TYW1: variants seen among roughly 807,000 people sequenced by gnomAD.
TYW1 encodes the protein tRNA-yW synthesizing protein 1 homolog, also known as S-adenosyl-L-methionine-dependent tRNA 4-demethylwyosine synthase TYW1.
A neutral mutation model predicts 96.2 loss-of-function variants in TYW1; 46 were observed. The ratio of observed to expected loss-of-function variants is 0.48; its 90% CI spans 0.38 to 0.61. The LOEUF is 0.61. TYW1 is among the 20% of genes least tolerant of loss of function. The probability of loss-of-function intolerance (pLI) is 0.00; values close to 1 mark genes in which losing one functional copy is unlikely to be tolerated. For synonymous variants in TYW1, 274 were observed against 323.0 expected (o/e 0.85, Z 1.63); for missense variants, 684 against 909.6 (o/e 0.75, Z 3.19).
At chr7:67,003,433 A>G (rs1235280139) in intron 3 of TYW1, among the ~76,000 whole-genome samples, 1 of 151,606 alleles carries the variant, frequency 6.6e-6, no homozygotes, top group Non-Finnish European at 1.5e-5. Context: ...TAAATACCAT[A>G]GAGAGGCTCT....
intron 13 of TYW1, among the ~76,000 whole-genome samples, chr7:67,166,161 C>A (rs1400007676): frequency 6.6e-6 from 1 of 150,832 alleles, no homozygotes; most frequent in Non-Finnish European, 1.5e-5. Context: ...GTAGGATAAT[C>A]TTTTGAGGAG....
chr7:67,222,330 C>T (rs1255506005), intron 15 of TYW1, among the ~76,000 whole-genome samples: 1 of 152,162 alleles, frequency 6.6e-6, no homozygotes, highest in Non-Finnish European at 1.5e-5. Flanking sequence ...CTGTCTAGTG[C>T]CCTTTCATTT....
intron 7 of TYW1, among the ~76,000 whole-genome samples, chr7:67,046,867 G>T (rs1795204330): frequency 6.6e-6 from 1 of 152,168 alleles, no homozygotes. Flanking sequence ...TTTTATAATA[G>T]ATACTTTCTC....
At chr7:67,235,950 C>T (rs568005949) in intron 15 of TYW1, among the ~76,000 whole-genome samples, 12 of 149,434 alleles carry the variant, frequency 8.0e-5, no homozygotes, top group Non-Finnish European at 1.5e-4. Context: ...CCTCGCATGT[C>T]CTGGGTGATG....
intron 9 of TYW1, among the ~76,000 whole-genome samples, chr7:67,058,349 G>T (rs1207114373): frequency 6.6e-6 from 1 of 152,054 alleles, no homozygotes; most frequent in Non-Finnish European, 1.5e-5. Flanking sequence ...TAAACATATT[G>T]TCCCCAGACT....
chr7:67,034,195 C>G (rs1480369291), intron 7 of TYW1, among the ~76,000 whole-genome samples: 1 of 150,196 alleles, frequency 6.7e-6, no homozygotes, highest in African/African-American at 2.5e-5. Context: ...CCTCCTCCTT[C>G]TGGGTTCAAG....
At chr7:67,021,423 CTT>C (rs1170131754) in intron 6 of TYW1, among the ~76,000 whole-genome samples, 3 of 152,266 alleles carry the variant, frequency 2.0e-5, no homozygotes, top group African/African-American at 4.8e-5. Flanking sequence ...GCCTAAGTGA[CTT>C]TGCCCATCCC....
chr7:67,094,582 AGT>A (rs1001727787), intron 11 of TYW1, among the ~76,000 whole-genome samples: 5 of 150,498 alleles, frequency 3.3e-5, no homozygotes, highest in African/African-American at 1.2e-4. Context: ...AGTAATGCTG[AGT>A]GTTTTTTTCA....
At chr7:67,108,451 T>C (rs1380852017) in intron 12 of TYW1, among the ~76,000 whole-genome samples, 1 of 151,056 alleles carries the variant, frequency 6.6e-6, no homozygotes, top group Non-Finnish European at 1.5e-5. Context: ...TTCTTTTTTT[T>C]TTTTTTTTGA....
chr7:67,165,290 T>C (rs1799285123), intron 13 of TYW1, among the ~76,000 whole-genome samples: 2 of 152,238 alleles, frequency 1.3e-5, no homozygotes, highest in South Asian at 4.1e-4. Context: ...ATTGCAACTG[T>C]CAAGATAAAT....
intron 15 of TYW1, among the ~76,000 whole-genome samples, chr7:67,217,426 A>T (rs1047683002): frequency 2.6e-5 from 4 of 152,178 alleles, no homozygotes; most frequent in Admixed American, 2.6e-4. Context: ...TTTTGAGTTA[A>T]TTTTTGCATG....
At chr7:67,210,918 A>G (rs1385364887) in intron 15 of TYW1, among the ~76,000 whole-genome samples, 1 of 146,122 alleles carries the variant, frequency 6.8e-6, no homozygotes, top group East Asian at 2.1e-4. Context: ...CCATCTATCC[A>G]ACCATCCATC....
At chr7:67,023,721 T>TTG (rs1392175621) in intron 6 of TYW1, among the ~76,000 whole-genome samples, 3 of 151,924 alleles carry the variant, frequency 2.0e-5, no homozygotes, top group Non-Finnish European at 4.4e-5. Flanking sequence ...TGAGCCAAGA[T>TTG]CACGCCACTG....
chr7:67,181,717 A>C (rs1240789152), intron 13 of TYW1, among the ~76,000 whole-genome samples: 1 of 152,158 alleles, frequency 6.6e-6, no homozygotes, highest in Non-Finnish European at 1.5e-5. Context: ...AATCATGTAC[A>C]TAGAACCACA....
At chr7:67,005,488 T>C (rs1793544700) in intron 3 of TYW1, among the ~76,000 whole-genome samples, 1 of 152,188 alleles carries the variant, frequency 6.6e-6, no homozygotes, top group African/African-American at 2.4e-5. Context: ...CCTAGCTACT[T>C]GGGCGGCTGA....
At chr7:67,188,705 C>T (rs1299872195) in intron 14 of TYW1, among the ~76,000 whole-genome samples, 1 of 152,148 alleles carries the variant, frequency 6.6e-6, no homozygotes, top group African/African-American at 2.4e-5. Flanking sequence ...GGAAAAGTCT[C>T]TCCAGGGCCT....
chr7:67,152,090 C>T (rs1216913905), intron 13 of TYW1, among the ~76,000 whole-genome samples: 1 of 152,132 alleles, frequency 6.6e-6, no homozygotes, highest in African/African-American at 2.4e-5. Context: ...GGATTGTAGG[C>T]ATGAGCTGCC....
chr7:67,111,614 AAAGGGAATTCCAG>A (rs1192847785), intron 12 of TYW1, among the ~76,000 whole-genome samples: 1 of 152,236 alleles, frequency 6.6e-6, no homozygotes, highest in Non-Finnish European at 1.5e-5. Flanking sequence ...ACATATTTAT[AAAGGGAATTCCAG>A]AAGGACAGGA....
At chr7:67,140,482 C>T (rs1213936592) in intron 13 of TYW1, among the ~76,000 whole-genome samples, 1 of 152,008 alleles carries the variant, frequency 6.6e-6, no homozygotes, top group Admixed American at 6.6e-5. Context: ...CTAAAATGTC[C>T]TAAACATACT....
Sources: gnomAD v4.1 joint callset for allele counts (sites outside exome capture counted in the v4.1 genomes callset) on GRCh38, gnomAD v4.1.1 for gene constraint, MANE v1.5 for transcripts, NCBI Gene and HGNC (gene_info 2026-07-23, HGNC 2026-07-21) for gene names.